Variants in BRICD5 observed in about 807,000 individuals in gnomAD.
The protein encoded by BRICD5 is BRICHOS domain-containing protein 5.
BRICD5 carries 51 observed loss-of-function variants against 28.4 expected under a neutral mutation model. The ratio of observed to expected loss-of-function variants is 1.80; its 90% confidence interval spans 1.43 to 2.27. The LOEUF (loss-of-function observed/expected upper bound fraction) is 2.27. Ranked by LOEUF, BRICD5 falls within the 30% of genes most tolerant of loss-of-function variation. The pLI, the probability that BRICD5 is intolerant of heterozygous loss-of-function variation, is 0.00. For missense variants in BRICD5, 456 were observed against 309.6 expected (o/e 1.47, Z -3.55); for synonymous variants, 177 against 130.2 (o/e 1.36, Z -2.44).
intron 4 of BRICD5, 66 bp from the exon 5 acceptor site, chr16:2,209,772 G>C: frequency 6.7e-7 from 1 of 1,497,378 alleles, no homozygotes; most frequent in Non-Finnish European, 9.0e-7. Flanking sequence ...GGCAGGGCCG[G>C]GTACCCTCCA....
At position 2,210,839 on chromosome 16, in the gene BRICD5, A is replaced by G; in HGVS notation, c.-6T>C. ...CAGCAGCTTGCTGGTTCCATCCTGC[A>G]GCCCCTGCTCACAATGTGCCGATTG... On this transcript the variant is annotated 5_prime_UTR_variant, in exon 1 of 6. Coordinates refer to ENST00000328540, the MANE Select transcript of BRICD5 (RefSeq NM_182563.4). 6.2e-7 allele frequency: 1 copy of G among 1,601,596 alleles called. No homozygotes were observed. Among genetic ancestry groups the G allele is most frequent in the South Asian group, 1.1e-5 (1 of 91,090 alleles).
chr16:2,210,074 C>T (rs370753857), intron 3 of BRICD5, 23 bp from the exon 4 acceptor site: 66 of 1,599,980 alleles, frequency 4.1e-5, no homozygotes, highest in East Asian at 1.6e-4. Context: ...GGGGGTGAGG[C>T]GGGGCCCCCC....
rs1329620949 is a variant in BRICD5 at position 2,210,195 on chromosome 16, G to T, written c.267C>A (p.Asn89Lys). Residue 89 changes from asparagine (N) to lysine (K), a missense_variant, in exon 3 of 6, where the codon AAC (asparagine) becomes AAA (lysine). By Grantham distance (94) the Asn-to-Lys change is moderately conservative (BLOSUM62 0). Transcript: ENST00000328540. ...NQTILVDVAR[N>K]AATITVTPPQ... Reference sequence around the variant, plus strand: ...GTGGGGTCACTGTGATGGTCGCCGCGTTCCGGGCCACGTCCACCAGGATGG... The same window carrying T: ...GTGGGGTCACTGTGATGGTCGCCGCTTTCCGGGCCACGTCCACCAGGATGG... 8 of 1,598,200 alleles carry T rather than the reference G, an allele frequency of 5.0e-6. No homozygotes were observed. The highest frequency in any genetic ancestry group is 1.1e-5 in the South Asian group (1 of 89,430).
At position 2,209,672 on chromosome 16, in the gene BRICD5, T is replaced by C. The variant is rs144886139; in HGVS notation, c.473A>G (p.His158Arg). 3,117 of 1,612,932 alleles carry C rather than the reference T, an allele frequency of 1.9e-3. 70 individuals are homozygous for C. In the African/African-American group the frequency reaches 0.035, roughly 18 times the overall value. The change falls in exon 5 of 6, where the codon CAC (histidine) becomes CGC (arginine). Residue 158 changes from histidine (H) to arginine (R), a missense_variant. By Grantham distance (29) the His-to-Arg change is conservative. Coordinates refer to ENST00000328540, the MANE Select transcript of BRICD5 (RefSeq NM_182563.4). ...CACTGCCAGCAGCTCCTGGGTGTGG[T>C]GGGTGTCCTGGCTGGGGACCCAAGC... ...QEAWVPSQDT[H>R]HTQELLAVQG...
chr16:2,210,193 G>T lies in BRICD5; in HGVS notation c.269C>A (p.Ala90Glu). 6.3e-7 allele frequency: 1 copy of T among 1,598,504 alleles called. No individual in the cohort carries two copies. ...AGGTGGGGTCACTGTGATGGTCGCC[G>T]CGTTCCGGGCCACGTCCACCAGGAT... ...QTILVDVARN[A>E]ATITVTPPQS... Residue 90 changes from alanine to glutamate, a missense_variant, in exon 3 of 6, where the codon GCG (alanine) becomes GAG (glutamate). Ala to Glu is a moderately radical substitution (Grantham distance 107). Transcript: ENST00000328540.
Position 2,209,988 on chromosome 16 carries a change from C to G in BRICD5, c.400G>C (p.Asp134His), listed in dbSNP as rs1433242742. The change falls in exon 4 of 6, where the codon GAT becomes CAT. Residue 134 changes from aspartate (D) to histidine (H), a missense_variant. Physicochemically the swap from Asp to His is moderately conservative, Grantham distance 81 (BLOSUM62 -1). Coordinates refer to ENST00000328540, the MANE Select transcript of BRICD5 (RefSeq NM_182563.4). ...ACCAGCAGCCGCAGGGTCTCCCGAT[C>G]ACTGTCCTCCATCAGGCGGAGGAAG... ...VCFLRLMEDS[D>H]RETLRLLVDT... 11 of 1,548,648 alleles carry G rather than the reference C, an allele frequency of 7.1e-6. No individual in the cohort carries two copies. The highest frequency in any genetic ancestry group is 8.7e-6 in the Non-Finnish European group (10 of 1,142,938).
Position 2,210,029 on chromosome 16 carries a change from T to A in BRICD5, c.359A>T (p.Glu120Val). Residue 120 changes from glutamate (E) to valine (V), a missense_variant, in exon 4 of 6, where the codon GAG (glutamate) becomes GTG (valine). Glu to Val is a moderately radical substitution (Grantham distance 121). Transcript: ENST00000328540. Reference sequence around the variant, plus strand: ...GCGGAGGAAGCAGACCTGGTGCTCCTCAGGGCGGTAACAGATGCAGCCCTG... The same window carrying A: ...GCGGAGGAAGCAGACCTGGTGCTCCACAGGGCGGTAACAGATGCAGCCCTG... ...GQSGCICYRP[E>V]EHQVCFLRLM... The A allele has an allele frequency of 6.3e-7, 1 of 1,586,116 alleles. No homozygotes were observed. The highest frequency in any genetic ancestry group is 8.6e-7 in the Non-Finnish European group (1 of 1,162,900).
In BRICD5 at chr16:2,210,133, C is replaced by G; in HGVS notation, c.329G>C (p.Gly110Ala). The G allele has an allele frequency of 6.2e-7, 1 of 1,609,108 alleles. No individual in the cohort carries two copies. Among genetic ancestry groups the G allele is most frequent in the Non-Finnish European group, 8.5e-7 (1 of 1,178,700 alleles). The stretch of plus-strand genomic sequence containing the variant: ...CCCTCCCTGCCCACTCACGCTCTGC[C>G]CGTCGAACAGCACCGCCCAGCTGTG... ...SNHSWAVLFD[G>A]QSGCICYRPE... Residue 110 changes from glycine to alanine, a missense_variant, in exon 3 of 6, where the codon GGG becomes GCG. Transcript: ENST00000328540.
intron 2 of BRICD5, 90 bp from the exon 3 acceptor site, chr16:2,210,371 G>A (rs2093368342): frequency 1.3e-6 from 2 of 1,532,478 alleles, no homozygotes; most frequent in Non-Finnish European, 8.8e-7. Context: ...ACACCCCTGA[G>A]TGGGCCCTTC....
At chr16:2,210,494 A>C (rs778104570) in intron 2 of BRICD5, 28 bp downstream of exon 2, 10 of 1,585,540 alleles carry the variant, frequency 6.3e-6, no homozygotes, top group Admixed American at 1.8e-5. Context: ...TCCACTGTCC[A>C]TGTCCCTGGT....
chr16:2,210,694 C>T, intron 1 of BRICD5, 44 bp from the exon 2 acceptor site: 1 of 1,610,602 alleles, frequency 6.2e-7, no homozygotes, highest in Non-Finnish European at 8.5e-7. Flanking sequence ...GGTTAGACAT[C>T]AGGGAGCAAG....
chr16:2,210,352 G>T (rs1466785628), intron 2 of BRICD5, 71 bp from the exon 3 acceptor site: 5 of 1,520,098 alleles, frequency 3.3e-6, no homozygotes, highest in Non-Finnish European at 4.4e-6. Flanking sequence ...CTGGGCTGCA[G>T]GACTCCTGAC....
chr16:2,210,785 C>T lies in BRICD5; in HGVS notation c.49G>A (p.Gly17Arg). The change falls in exon 1 of 6, where the codon GGG becomes AGG. Residue 17 changes from glycine (G) to arginine (R), a missense_variant and splice_region_variant. Physicochemically the swap from Gly to Arg is moderately radical, Grantham distance 125 (BLOSUM62 -2). Coordinates refer to ENST00000328540, the MANE Select transcript of BRICD5 (RefSeq NM_182563.4). ...CAGGAGTAACGGGAGGCACTCACCC[C>T]TGTAGGCCCAGGTTTGGGGCGCTCA... Reference protein sequence around the residue: ...CAERPKPGPTGVKTKPSCGGW... With the variant: ...CAERPKPGPTRVKTKPSCGGW... 1.4e-5 allele frequency: 23 copies of T among 1,606,680 alleles called. No individual in the cohort carries two copies. Among genetic ancestry groups the T allele is most frequent in the Non-Finnish European group, 1.9e-5 (23 of 1,179,942 alleles).
chr16:2,210,086 G>C (rs754583884), intron 3 of BRICD5, 35 bp from the exon 4 acceptor site: 8 of 1,602,586 alleles, frequency 5.0e-6, no homozygotes, highest in South Asian at 4.5e-5. Flanking sequence ...GGGCCCCCCA[G>C]ACCGACACCT....
chr16:2,210,224 G>A lies in BRICD5; in HGVS notation c.238C>T (p.Gln80Ter), dbSNP rs763537680. The A allele has an allele frequency of 4.4e-6, 7 of 1,573,396 alleles. No individual in the cohort carries two copies. Among genetic ancestry groups the A allele is most frequent in the Non-Finnish European group, 6.0e-6 (7 of 1,162,384 alleles). The change falls in exon 3 of 6, where the codon CAA (glutamine) becomes TAA (stop). Residue 80 changes from glutamine to a stop codon, truncating the protein, a stop_gained. Transcript: ENST00000328540. LOFTEE classifies it high-confidence loss of function. ...LPSPHMPRPNQTILVDVARNA... is the reference protein window; with the variant it reads ...LPSPHMPRPN ...CGGGCCACGTCCACCAGGATGGTTT[G>A]GTTGGGCCGGGGCATGTGGGGGCTC...
chr16:2,210,057 G>A lies in BRICD5; in HGVS notation c.337-6C>T, dbSNP rs1567285249. 2 of 1,600,850 alleles carry A rather than the reference G, an allele frequency of 1.2e-6. No individual in the cohort carries two copies. Among genetic ancestry groups the A allele is most frequent in the Non-Finnish European group, 1.7e-6 (2 of 1,173,466 alleles). On this transcript the variant is annotated splice_region_variant and splice_polypyrimidine_tract_variant and intron_variant, in intron 3 of 5. Coordinates refer to ENST00000328540, the MANE Select transcript of BRICD5 (RefSeq NM_182563.4). Reference sequence around the variant, plus strand: ...GGGCGGTAACAGATGCAGCCCTGGGGAGGCAGGGGGGTGAGGCGGGGCCCC... The same window carrying A: ...GGGCGGTAACAGATGCAGCCCTGGGAAGGCAGGGGGGTGAGGCGGGGCCCC...
rs2093361207 is a variant in BRICD5 at position 2,209,423 on chromosome 16, A to G, written c.626T>C (p.Ile209Thr). Residue 209 changes from isoleucine (I) to threonine (T), a missense_variant, in exon 6 of 6, where the codon ATC (isoleucine) becomes ACC (threonine). Transcript: ENST00000328540. The stretch of plus-strand genomic sequence containing the variant: ...GATGTTGCTCGGGAAGCAGATGTCG[A>G]TGCAGAGATAAATCAGCCGCTGTCT... Reference protein sequence around the residue: ...PRRQRLIYLCIDICFPSNICV... With the variant: ...PRRQRLIYLCTDICFPSNICV... 5 of 1,613,824 alleles carry G rather than the reference A, an allele frequency of 3.1e-6. No individual in the cohort carries two copies. Among genetic ancestry groups the G allele is most frequent in the Non-Finnish European group, 4.2e-6 (5 of 1,179,996 alleles).
At chr16:2,210,097 G>C (rs2093366929) in intron 3 of BRICD5, 29 bp downstream of exon 3, 3 of 1,604,428 alleles carry the variant, frequency 1.9e-6, no homozygotes, top group South Asian at 2.2e-5. Context: ...ACCGACACCT[G>C]CCAGGGTGAC....
At chr16:2,209,729 C>A in intron 4 of BRICD5, 23 bp from the exon 5 acceptor site, 1 of 1,588,096 alleles carries the variant, frequency 6.3e-7, no homozygotes, top group Non-Finnish European at 8.6e-7. Context: ...CTCTGGTGGG[C>A]GGTGGGACAG....
Sources: gnomAD v4.1 joint callset for allele counts on GRCh38, gnomAD v4.1.1 for gene constraint, MANE v1.5 for transcripts, NCBI Gene and HGNC (gene_info 2026-07-23, HGNC 2026-07-21) for gene names.